DR1: variants seen among roughly 807,000 people sequenced by gnomAD.
DR1 encodes protein Dr1.
Under a neutral mutation model 19.9 loss-of-function variants are expected in DR1, and 7 were observed. The observed-to-expected ratio is 0.35, with a 90% CI of 0.20 to 0.66. The LOEUF (loss-of-function observed/expected upper bound fraction) is 0.66. Ranked by LOEUF, DR1 falls within the 30% of genes least tolerant of loss-of-function variation. The pLI is 0.66. For missense variants in DR1, 98 were observed against 203.7 expected (o/e 0.48, Z 3.16); for synonymous variants, 76 against 72.5 (o/e 1.05, Z -0.24).
At position 93,369,433 on chromosome 1, in the gene DR1, A is replaced by C. The variant is rs1667207867; in HGVS notation, c.*8794A>C. The C allele has an allele frequency of 6.6e-6, 1 of 152,312 alleles. No homozygotes were observed. Among genetic ancestry groups the C allele is most frequent in the South Asian group, 2.1e-4 (1 of 4,828 alleles). 9.4% of individuals were successfully genotyped at this position (152,312 alleles called of 1,614,324 possible). On this transcript the variant is annotated 3_prime_UTR_variant, in exon 3 of 3. Transcript: ENST00000370272. ...CCCTTTTTCTGTCCACTGTTGTCTA[A>C]ATGATTCACTCAGTGTTATGCAGAA...
Position 93,360,880 on chromosome 1 carries a change from G to A in DR1, c.*241G>A. On this transcript the variant is annotated 3_prime_UTR_variant, in exon 3 of 3. Transcript: ENST00000370272. The stretch of plus-strand genomic sequence containing the variant: ...ATTTTGAATTTTTAATGGTGTTTAT[G>A]AAATTTTAGATAGCAGCGAGTCCTT... 2.5e-6 allele frequency: 1 copy of A among 406,756 alleles called. No homozygotes were observed. The allele number at this position is 406,756 out of a possible 1,614,324, so 25.2% of individuals were successfully genotyped here. A position where few individuals can be genotyped will look rare whatever the true frequency, so the allele number is the denominator to read the frequency against.
chr1:93,353,590 T>C (rs1334349683), intron 1 of DR1, among the ~76,000 whole-genome samples: 1 of 152,234 alleles, frequency 6.6e-6, no homozygotes, highest in African/African-American at 2.4e-5. Context: ...CATATGTTCT[T>C]ATAATGGGCT....
In DR1 at chr1:93,360,916, A is replaced by G. The variant is rs1667044525; in HGVS notation, c.*277A>G. ...TAGCAGCGAGTCCTTCGTTTGATCAATAAACAGTGTTACAGATAACTTCAA... is the reference window on the plus strand; with the variant it reads ...TAGCAGCGAGTCCTTCGTTTGATCAGTAAACAGTGTTACAGATAACTTCAA... On this transcript the variant is annotated 3_prime_UTR_variant, in exon 3 of 3. Coordinates refer to ENST00000370272, the MANE Select transcript of DR1 (RefSeq NM_001938.3). 1 of 300,428 alleles carries G rather than the reference A, an allele frequency of 3.3e-6. No individual in the cohort carries two copies. Among genetic ancestry groups the G allele is most frequent in the Non-Finnish European group, 6.1e-6 (1 of 163,456 alleles). 18.6% of individuals were successfully genotyped at this position (300,428 alleles called of 1,614,324 possible).
In DR1 at chr1:93,353,609, T is replaced by A. The variant is rs147307530; in HGVS notation, c.221-299T>A. ...TGTTCTTATAATGGGCTTTTTTTTC[T>A]TCCCTGCTTACAGGAAATGCTTTGG... On this transcript the variant is annotated intron_variant, in intron 1 of 2. Coordinates refer to ENST00000370272, the MANE Select transcript of DR1 (RefSeq NM_001938.3). Among the ~76,000 whole-genome samples the A allele has an allele frequency of 7.8e-3, 1,183 of 152,344 alleles. 21 individuals carry two copies. Among genetic ancestry groups the A allele is most frequent in the African/African-American group, 0.027 (1,129 of 41,576 alleles).
intron 2 of DR1, among the ~76,000 whole-genome samples, chr1:93,358,358 G>GA (rs780755842): frequency 1.3e-5 from 2 of 152,128 alleles, no homozygotes; most frequent in African/African-American, 2.4e-5. Context: ...ATGGATGGAG[G>GA]AAGAGAAAGG....
chr1:93,359,955 A>G (rs1382897480), intron 2 of DR1, among the ~76,000 whole-genome samples: 1 of 152,188 alleles, frequency 6.6e-6, no homozygotes, highest in Non-Finnish European at 1.5e-5. Context: ...GGGAATTGTA[A>G]TAGAAACTCA....
chr1:93,364,050 G>A lies in DR1; in HGVS notation c.*3411G>A, dbSNP rs1667090535. ...AGGTTGTAGGGTGTGTATATTTTCAGTTTTAGTATTTACTGTCAAACAGTT... is the reference window on the plus strand; with the variant it reads ...AGGTTGTAGGGTGTGTATATTTTCAATTTTAGTATTTACTGTCAAACAGTT... On this transcript the variant is annotated 3_prime_UTR_variant, in exon 3 of 3. Transcript: ENST00000370272. 6.6e-6 allele frequency: 1 copy of A among 152,116 alleles called. No individual in the cohort carries two copies. The highest frequency in any genetic ancestry group is 6.5e-5 in the Admixed American group (1 of 15,270). The allele number at this position is 152,116 out of a possible 1,614,324, so 9.4% of individuals were successfully genotyped here.
At chr1:93,352,950 A>G (rs1666934635) in intron 1 of DR1, among the ~76,000 whole-genome samples, 1 of 148,846 alleles carries the variant, frequency 6.7e-6, no homozygotes, top group South Asian at 2.1e-4. Context: ...GCTGGAGTAC[A>G]GTAACGCAGT....
Position 93,362,505 on chromosome 1 carries a change from T to C in DR1, c.*1866T>C, listed in dbSNP as rs1466319879. On this transcript the variant is annotated 3_prime_UTR_variant, in exon 3 of 3. Coordinates refer to ENST00000370272, the MANE Select transcript of DR1 (RefSeq NM_001938.3). ...CTGCATCTGATAATGTATTATACGT[T>C]TGAAGCCTAGTGACTTTTCATTTTG... 1.3e-5 allele frequency: 2 copies of C among 152,214 alleles called. No individual in the cohort carries two copies. Among genetic ancestry groups the C allele is most frequent in the East Asian group, 3.8e-4 (2 of 5,198 alleles). 9.4% of individuals were successfully genotyped at this position (152,214 alleles called of 1,614,324 possible).
At position 93,363,832 on chromosome 1, in the gene DR1, A is replaced by G. The variant is rs528390358; in HGVS notation, c.*3193A>G. ...ATGTATTTGTAGTTCATTCATTCTC[A>G]TTGCTGTATAGTCTTCCGTTTGTTT... is the stretch of plus-strand genomic sequence containing the variant. On this transcript the variant is annotated 3_prime_UTR_variant, in exon 3 of 3. Coordinates refer to ENST00000370272, the MANE Select transcript of DR1 (RefSeq NM_001938.3). The G allele has an allele frequency of 6.6e-6, 1 of 152,300 alleles. No homozygotes were observed. Among genetic ancestry groups the G allele is most frequent in the East Asian group, 1.9e-4 (1 of 5,190 alleles). The allele number at this position is 152,300 out of a possible 1,614,324, so 9.4% of individuals were successfully genotyped here. A position where few individuals can be genotyped will look rare whatever the true frequency, so the allele number is the denominator to read the frequency against.
intron 1 of DR1, among the ~76,000 whole-genome samples, chr1:93,351,444 T>C (rs1321652614): frequency 1.4e-5 from 2 of 144,712 alleles, no homozygotes; most frequent in East Asian, 2.0e-4. Context: ...TTCTTTTTTT[T>C]TTTTTTTTTT....
At chr1:93,351,897 C>T (rs1666916705) in intron 1 of DR1, among the ~76,000 whole-genome samples, 1 of 151,950 alleles carries the variant, frequency 6.6e-6, no homozygotes, top group African/African-American at 2.4e-5. Flanking sequence ...TTATTTAGGT[C>T]CTGTACACTT....
At chr1:93,346,955 T>G (rs1666852530) in intron 1 of DR1, 90 bp downstream of exon 1, 3 of 1,156,878 alleles carry the variant, frequency 2.6e-6, no homozygotes, top group Non-Finnish European at 3.7e-6. Context: ...CCTCCATTCC[T>G]CTTCCCTGGT....
rs1218271115 is a variant in DR1 at position 93,361,872 on chromosome 1, G to T, written c.*1233G>T. 1 of 152,412 alleles carries T rather than the reference G, an allele frequency of 6.6e-6. No individual in the cohort carries two copies. The highest frequency in any genetic ancestry group is 1.5e-5 in the Non-Finnish European group (1 of 67,898). The allele number at this position is 152,412 out of a possible 1,614,324, so 9.4% of individuals were successfully genotyped here. The stretch of plus-strand genomic sequence containing the variant: ...CTGCTTGTTAGAGAAGCTTTAATTT[G>T]GTTCTAATAAATACAGTATGGTAGT... On this transcript the variant is annotated 3_prime_UTR_variant, in exon 3 of 3. Transcript: ENST00000370272.
intron 2 of DR1, among the ~76,000 whole-genome samples, chr1:93,354,503 T>C (rs970574724): frequency 3.3e-5 from 5 of 152,194 alleles, no homozygotes; most frequent in Non-Finnish European, 7.4e-5. Context: ...TTAAAAAATA[T>C]TTTAAAGCTA....
At chr1:93,347,833 T>A (rs1666871224) in intron 1 of DR1, among the ~76,000 whole-genome samples, 1 of 152,172 alleles carries the variant, frequency 6.6e-6, no homozygotes, top group African/African-American at 2.4e-5. Context: ...TGTACTCTTG[T>A]GAAAGAGTTG....
At chr1:93,357,632 A>G (rs959356774) in intron 2 of DR1, among the ~76,000 whole-genome samples, 1 of 152,094 alleles carries the variant, frequency 6.6e-6, no homozygotes, top group Non-Finnish European at 1.5e-5. Flanking sequence ...TTAATCACCA[A>G]ATTCAGTAAT....
At position 93,346,630 on chromosome 1, in the gene DR1, G is replaced by A; in HGVS notation, c.-16G>A. ...GGAGTTTTTAAAAGCCGGGGCGCGA[G>A]AAACAGGAAGGTACTATGGCTTCCT... On this transcript the variant is annotated 5_prime_UTR_variant, in exon 1 of 3. Transcript: ENST00000370272. 6.2e-7 allele frequency: 1 copy of A among 1,609,738 alleles called. No homozygotes were observed. The highest frequency in any genetic ancestry group is 8.5e-7 in the Non-Finnish European group (1 of 1,176,944).
chr1:93,355,703 T>C (rs1666972219), intron 2 of DR1: 1 of 152,236 alleles, frequency 6.6e-6, no homozygotes, highest in African/African-American at 2.4e-5. Flanking sequence ...TTTGTCTCCC[T>C]TGTTTCTTAC....
Sources: gnomAD v4.1 joint callset for allele counts (sites outside exome capture counted in the v4.1 genomes callset) on GRCh38, gnomAD v4.1.1 for gene constraint, MANE v1.5 for transcripts, NCBI Gene and HGNC (gene_info 2026-07-23, HGNC 2026-07-21) for gene names.